Variants in PCAT7 observed in about 807,000 individuals in gnomAD.
PCAT7 encodes the protein prostate cancer associated transcript 7 (non-protein coding).
chr9:94,571,094 A>G (rs1587841031), intron 2 of PCAT7, among the ~76,000 whole-genome samples: 1 of 152,214 alleles, frequency 6.6e-6, no homozygotes. Flanking sequence ...GGAGCATTCT[A>G]CTGGATGGTG....
At chr9:94,563,352 G>C in intron 2 of PCAT7, 2 of 1,614,084 alleles carry the variant, frequency 1.2e-6, no homozygotes, top group Non-Finnish European at 1.7e-6. Flanking sequence ...CTTGCCCTTA[G>C]GGCTCTTCTG....
chr9:94,555,771 G>A (rs937818245), intron 1 of PCAT7, among the ~76,000 whole-genome samples: 6 of 151,756 alleles, frequency 4.0e-5, no homozygotes, highest in Admixed American at 3.3e-4. Context: ...GAGAAAAGAT[G>A]GTAGGTAAAA....
In PCAT7 at chr9:94,562,281, G is replaced by A. The variant is rs1016508098; in HGVS notation, n.441+3129G>A. ...GCCTAGATGGTGCCACTGCACTCCAGCCTGGGCGACAGAGCAAGACTCCAT... is the reference window on the plus strand; with the variant it reads ...GCCTAGATGGTGCCACTGCACTCCAACCTGGGCGACAGAGCAAGACTCCAT... On this transcript the variant is annotated intron_variant and non_coding_transcript_variant, in intron 2 of 8. Coordinates refer to ENST00000647389, the Ensembl canonical transcript of PCAT7. 3.0e-5 allele frequency among the ~76,000 whole-genome samples: 4 copies of A among 134,654 alleles called. No homozygotes were observed. In the East Asian group the frequency reaches 8.4e-4, roughly 28 times the overall value. 88.3% of individuals were successfully genotyped at this position (134,654 alleles called of 152,430 possible).
At chr9:94,568,840 T>G (rs1827232124) in intron 2 of PCAT7, 1 of 152,144 alleles carries the variant, frequency 6.6e-6, no homozygotes. Context: ...AGTCATTAAT[T>G]GCACCCACTT....
At chr9:94,559,950 C>T (rs1314393250) in intron 2 of PCAT7, among the ~76,000 whole-genome samples, 4 of 151,932 alleles carry the variant, frequency 2.6e-5, no homozygotes, top group Non-Finnish European at 4.4e-5. Flanking sequence ...GATAGTGAGA[C>T]CCCATCTCTA....
chr9:94,558,700 A>G, intron 1 of PCAT7: 1 of 481,622 alleles, frequency 2.1e-6, no homozygotes. Context: ...TTTCTGACAG[A>G]AGACAAGCCA....
At chr9:94,561,318 C>T (rs1019010418) in intron 2 of PCAT7, among the ~76,000 whole-genome samples, 1 of 148,498 alleles carries the variant, frequency 6.7e-6, no homozygotes, top group South Asian at 2.1e-4. Flanking sequence ...CTTCATGGCA[C>T]CTTGGCCTGC....
At chr9:94,566,148 CTTT>C (rs1213073715) in intron 2 of PCAT7, among the ~76,000 whole-genome samples, 1 of 152,206 alleles carries the variant, frequency 6.6e-6, no homozygotes, top group East Asian at 1.9e-4. Context: ...CTTTTGACTT[CTTT>C]TTGTTTCCTA....
chr9:94,572,698 TTCACAC>T (rs1403326111), intron 2 of PCAT7, among the ~76,000 whole-genome samples: 2 of 151,914 alleles, frequency 1.3e-5, no homozygotes, highest in African/African-American at 4.8e-5. Context: ...TTGCATTTAA[TTCACAC>T]ACACACACAA....
intron 3 of PCAT7, among the ~76,000 whole-genome samples, chr9:94,574,063 A>C (rs923552366): frequency 2.0e-5 from 3 of 152,184 alleles, no homozygotes; most frequent in African/African-American, 4.8e-5. Context: ...CGTTTCATCT[A>C]AGTTGTCAAA....
chr9:94,563,248 T>C (rs1827135277), intron 2 of PCAT7: 3 of 1,393,992 alleles, frequency 2.2e-6, no homozygotes, highest in South Asian at 1.4e-5. Flanking sequence ...AGACATGCCA[T>C]GAAGCAGTGC....
At chr9:94,564,738 A>T (rs1827161494) in intron 2 of PCAT7, among the ~76,000 whole-genome samples, 1 of 152,194 alleles carries the variant, frequency 6.6e-6, no homozygotes, top group African/African-American at 2.4e-5. Flanking sequence ...GGAGACAAAC[A>T]ATCTATACAG....
At chr9:94,571,480 G>T in intron 2 of PCAT7, 2 of 1,613,118 alleles carry the variant, frequency 1.2e-6, no homozygotes, top group African/African-American at 1.3e-5. Flanking sequence ...GCATGAAGAG[G>T]TCCACGCCTT....
At chr9:94,570,064 G>C (rs1210611349) in intron 2 of PCAT7, 1 of 152,208 alleles carries the variant, frequency 6.6e-6, no homozygotes, top group Non-Finnish European at 1.5e-5. Context: ...TAGAGATCCG[G>C]AAAGATGCTA....
intron 1 of PCAT7, among the ~76,000 whole-genome samples, chr9:94,558,506 G>T (rs555892687): frequency 5.9e-4 from 90 of 152,218 alleles, no homozygotes; most frequent in African/African-American, 1.9e-3. Context: ...TGTTAGCCAG[G>T]ATGGTCTCGA....
chr9:94,559,150 C>G, exon 2 of PCAT7: 1 of 1,603,738 alleles, frequency 6.2e-7, no homozygotes, highest in Non-Finnish European at 8.5e-7. Context: ...GGAACAGAGG[C>G]AGGTGAGTAA....
chr9:94,558,906 C>G, intron 1 of PCAT7: 1 of 1,606,882 alleles, frequency 6.2e-7, no homozygotes, highest in Non-Finnish European at 8.5e-7. Flanking sequence ...AGGTGCAAGA[C>G]AAACAGAAGA....
chr9:94,564,004 C>A (rs1370016043), intron 2 of PCAT7, among the ~76,000 whole-genome samples: 2 of 152,168 alleles, frequency 1.3e-5, no homozygotes, highest in African/African-American at 4.8e-5. Flanking sequence ...CCTTAGAGAC[C>A]TTCAAAGAGA....
intron 3 of PCAT7, among the ~76,000 whole-genome samples, chr9:94,573,268 G>C (rs1056636393): frequency 6.6e-6 from 1 of 152,158 alleles, no homozygotes; most frequent in Admixed American, 6.5e-5. Flanking sequence ...AAGACTTTCT[G>C]TTTTTTCAGA....
Sources: allele counts gnomAD v4.1 joint callset (sites outside exome capture counted in the v4.1 genomes callset), GRCh38; gene constraint gnomAD v4.1.1; transcripts MANE v1.5; gene names NCBI Gene and HGNC (gene_info 2026-07-23, HGNC 2026-07-21).